SLC39A11: variants seen among roughly 807,000 people sequenced by gnomAD.
SLC39A11 encodes the protein zinc transporter ZIP11.
In SLC39A11, 33 loss-of-function variants were observed where a neutral mutation model predicts 36.1. The ratio of observed to expected loss-of-function variants is 0.91; its 90% CI spans 0.69 to 1.22. The LOEUF is 1.22. SLC39A11 is among the 50% of genes most tolerant of loss of function. The pLI, the probability that SLC39A11 is intolerant of heterozygous loss-of-function variation, is 0.00. For missense variants in SLC39A11, 432 were observed against 430.3 expected (o/e 1.00, Z -0.03); for synonymous variants, 166 against 170.3 (o/e 0.97, Z 0.20).
At position 72,821,266 on chromosome 17, in the gene SLC39A11, G is replaced by A. The variant is rs1416983673; in HGVS notation, c.601+28368C>T. Among the ~76,000 whole-genome samples, 4 of 150,642 alleles carry A rather than the reference G, an allele frequency of 2.7e-5. 1 individual carries two copies. Among genetic ancestry groups the A allele is most frequent in the Non-Finnish European group, 5.9e-5 (4 of 67,284 alleles). Reference sequence around the variant, plus strand: ...GCCTGTAATCTCAGCACTTTGGGAGGCTGAGGAGGGTGGATCACCTGAGGT... The same window carrying A: ...GCCTGTAATCTCAGCACTTTGGGAGACTGAGGAGGGTGGATCACCTGAGGT... On this transcript the variant is annotated intron_variant, in intron 6 of 9. Transcript: ENST00000255559.
chr17:72,732,040 CTTTTTTTTTT>C (rs764728558), intron 7 of SLC39A11, among the ~76,000 whole-genome samples: 2 of 33,656 alleles, frequency 5.9e-5, no homozygotes, highest in Non-Finnish European at 1.1e-4. Context: ...CTTTTCTTTT[CTTTTTTTTTT>C]TTTTTTTTTT....
At chr17:73,014,601 G>A (rs1189577690) in intron 4 of SLC39A11, among the ~76,000 whole-genome samples, 2 of 152,196 alleles carry the variant, frequency 1.3e-5, no homozygotes, top group East Asian at 3.9e-4. Flanking sequence ...AGGCTGCAAT[G>A]AACTGTGATC....
intron 6 of SLC39A11, among the ~76,000 whole-genome samples, chr17:72,833,581 C>T (rs930240189): frequency 3.9e-5 from 6 of 152,180 alleles, no homozygotes; most frequent in African/African-American, 1.2e-4. Flanking sequence ...TTTCATCTGA[C>T]GGTTAACATC....
In SLC39A11 at chr17:72,681,366, T is replaced by C. The variant is rs559389617; in HGVS notation, c.672-32098A>G. ...GAGGCCATGTAAGTGAGGAGCTGCA[T>C]GATTAGAACTGTGTTTCTAAGCATT... is the stretch of plus-strand genomic sequence containing the variant. On this transcript the variant is annotated intron_variant, in intron 7 of 9. Coordinates refer to ENST00000255559, the MANE Select transcript of SLC39A11 (RefSeq NM_139177.4). Among the ~76,000 whole-genome samples the C allele has an allele frequency of 5.9e-5, 9 of 152,304 alleles. No homozygotes were observed. The South Asian group carries it at 1.7e-3, about 28-fold the overall frequency.
intron 5 of SLC39A11, among the ~76,000 whole-genome samples, chr17:72,875,310 G>A (rs1372322939): frequency 3.9e-5 from 6 of 152,052 alleles, no homozygotes; most frequent in Admixed American, 2.0e-4. Context: ...TAATTATACC[G>A]AGGCAGAGTG....
intron 5 of SLC39A11, among the ~76,000 whole-genome samples, chr17:72,891,200 T>C (rs1205631928): frequency 6.6e-6 from 1 of 152,014 alleles, no homozygotes; most frequent in African/African-American, 2.4e-5. Context: ...GGTGAGTGGA[T>C]CACCCGAGGT....
chr17:72,919,834 C>T (rs1396336503), intron 5 of SLC39A11, among the ~76,000 whole-genome samples: 2 of 152,122 alleles, frequency 1.3e-5, no homozygotes, highest in Non-Finnish European at 2.9e-5. Flanking sequence ...ACCCCAGTGC[C>T]CTGCTAGGAC....
intron 3 of SLC39A11, among the ~76,000 whole-genome samples, chr17:73,074,800 C>A (rs2060269823): frequency 6.6e-6 from 1 of 152,188 alleles, no homozygotes; most frequent in South Asian, 2.1e-4. Flanking sequence ...AAAATCATGT[C>A]TTTCATAAGA....
chr17:72,729,617 A>T (rs916935301), intron 7 of SLC39A11, among the ~76,000 whole-genome samples: 1 of 149,334 alleles, frequency 6.7e-6, no homozygotes, highest in Non-Finnish European at 1.5e-5. Context: ...CTTTAGACAT[A>T]CCTTCTCTAA....
At chr17:72,914,947 A>G (rs1034878331) in intron 5 of SLC39A11, among the ~76,000 whole-genome samples, 3 of 150,976 alleles carry the variant, frequency 2.0e-5, no homozygotes, top group Non-Finnish European at 4.4e-5. Flanking sequence ...GGTTTTTGCC[A>G]ATCAAGTCAT....
chr17:72,660,677 G>A (rs116543694), intron 7 of SLC39A11, among the ~76,000 whole-genome samples: 1,881 of 152,218 alleles, frequency 0.012, 38 homozygotes, highest in African/African-American at 0.042. Context: ...AGGGGGTTTC[G>A]AGCCAGAGAC....
At chr17:72,716,270 G>T (rs2073358275) in intron 7 of SLC39A11, among the ~76,000 whole-genome samples, 1 of 152,004 alleles carries the variant, frequency 6.6e-6, no homozygotes, top group South Asian at 2.1e-4. Flanking sequence ...TTACACGGAA[G>T]AAAGGAAATT....
At chr17:72,776,548 T>C (rs1392723584) in intron 6 of SLC39A11, among the ~76,000 whole-genome samples, 1 of 151,668 alleles carries the variant, frequency 6.6e-6, no homozygotes, top group Non-Finnish European at 1.5e-5. Context: ...AAAATTGCTT[T>C]CGTTTCATAT....
intron 5 of SLC39A11, among the ~76,000 whole-genome samples, chr17:72,929,273 G>A (rs536908801): frequency 1.3e-5 from 2 of 152,280 alleles, no homozygotes; most frequent in Non-Finnish European, 2.9e-5. Flanking sequence ...ACATTGACGG[G>A]GGGTACTACA....
chr17:72,787,472 T>C (rs922286401), intron 6 of SLC39A11, among the ~76,000 whole-genome samples: 2 of 151,596 alleles, frequency 1.3e-5, no homozygotes, highest in African/African-American at 4.8e-5. Flanking sequence ...TTAGCCAAGA[T>C]TGTCTCGATC....
chr17:72,700,727 A>T (rs1246031161), intron 7 of SLC39A11, among the ~76,000 whole-genome samples: 1 of 152,224 alleles, frequency 6.6e-6, no homozygotes, highest in Non-Finnish European at 1.5e-5. Flanking sequence ...TTCCACGTGG[A>T]TGGGGAGGCC....
intron 5 of SLC39A11, among the ~76,000 whole-genome samples, chr17:72,928,669 A>C (rs8065736): frequency 0.1 from 15,455 of 152,124 alleles, 1,323 homozygotes; most frequent in African/African-American, 0.24. Flanking sequence ...TCCTGCTTTG[A>C]GTCTACGTCA....
In SLC39A11 at chr17:72,687,623, T is replaced by G. The variant is rs530169344; in HGVS notation, c.672-38355A>C. Among the ~76,000 whole-genome samples, 5 of 152,306 alleles carry G rather than the reference T, an allele frequency of 3.3e-5. No homozygotes were observed. In the East Asian group the frequency reaches 9.7e-4, roughly 29 times the overall value. On this transcript the variant is annotated intron_variant, in intron 7 of 9. Transcript: ENST00000255559. The stretch of plus-strand genomic sequence containing the variant: ...TAAACTGTAGAACTCTGTGGGAGGC[T>G]GTTTGAAAACCATTGCTGAAAATAC...
intron 6 of SLC39A11, among the ~76,000 whole-genome samples, chr17:72,772,042 C>A (rs892112668): frequency 2.6e-5 from 4 of 152,172 alleles, no homozygotes; most frequent in African/African-American, 9.6e-5. Context: ...AACAAGAAAT[C>A]CAGACACTCC....
Sources: allele counts gnomAD v4.1 joint callset (sites outside exome capture counted in the v4.1 genomes callset), GRCh38; gene constraint gnomAD v4.1.1; transcripts MANE v1.5; gene names NCBI Gene and HGNC (gene_info 2026-07-23, HGNC 2026-07-21).